The following MALRD1 variants were observed in gnomAD, a reference collection of about 807,000 sequenced individuals.
MALRD1 encodes the protein MAM and LDL-receptor class A domain-containing protein 1.
In MALRD1, 247 loss-of-function variants were observed where a neutral mutation model predicts 242.1. The observed-to-expected ratio is 1.02, with a 90% CI of 0.92 to 1.13. The LOEUF (loss-of-function observed/expected upper bound fraction) is 1.13, where lower values mean the gene tolerates loss of function less well. Ranked by LOEUF, MALRD1 falls within the 50% of genes most tolerant of loss-of-function variation. MALRD1 has a pLI of 0.00. For missense variants in MALRD1, 2,989 were observed against 2,533.1 expected, an observed-to-expected ratio of 1.18 and a Z score of -3.86; for synonymous variants, 995 against 866.6, an observed-to-expected ratio of 1.15 and a Z score of -2.60.
chr10:19,339,389 C>T (rs925115246), intron 24 of MALRD1, among the ~76,000 whole-genome samples: 1 of 152,108 alleles, frequency 6.6e-6, no homozygotes, highest in Non-Finnish European at 1.5e-5. Flanking sequence ...AGCCAATTCA[C>T]GTTTTCAACA....
chr10:19,244,816 A>G (rs1484687802), intron 18 of MALRD1, among the ~76,000 whole-genome samples: 1 of 152,168 alleles, frequency 6.6e-6, no homozygotes, highest in Non-Finnish European at 1.5e-5. Context: ...ATATAGACTA[A>G]TTCTGTATTT....
intron 19 of MALRD1, among the ~76,000 whole-genome samples, chr10:19,260,234 G>C (rs1839687555): frequency 6.6e-6 from 1 of 152,156 alleles, no homozygotes; most frequent in African/African-American, 2.4e-5. Context: ...TTGCTCTCAA[G>C]CGTGTAGGTT....
chr10:19,619,855 C>T (rs892923242), intron 36 of MALRD1, among the ~76,000 whole-genome samples: 1 of 151,814 alleles, frequency 6.6e-6, no homozygotes, highest in Non-Finnish European at 1.5e-5. Flanking sequence ...AGCATTTCAT[C>T]GAAATAAAGG....
At chr10:19,282,103 CATGTT>C (rs147792836) in intron 20 of MALRD1, among the ~76,000 whole-genome samples, 12,242 of 151,876 alleles carry the variant, frequency 0.081, 576 homozygotes, top group East Asian at 0.17. Flanking sequence ...TCTTGCTTGA[CATGTT>C]ATATTTTCCG....
chr10:19,056,569 T>C (rs1834675197), intron 1 of MALRD1, among the ~76,000 whole-genome samples: 1 of 152,130 alleles, frequency 6.6e-6, no homozygotes, highest in Admixed American at 6.5e-5. Context: ...TTTTTATTAG[T>C]TTTAACAGTT....
chr10:19,578,544 T>C (rs1214772726), intron 33 of MALRD1, among the ~76,000 whole-genome samples: 4 of 151,910 alleles, frequency 2.6e-5, no homozygotes, highest in Non-Finnish European at 4.4e-5. Context: ...ATACAAAAAT[T>C]AGCTAAATGT....
intron 36 of MALRD1, among the ~76,000 whole-genome samples, chr10:19,682,705 C>T (rs555352139): frequency 4.6e-5 from 7 of 152,226 alleles, no homozygotes; most frequent in Admixed American, 6.5e-5. Flanking sequence ...CATTTTGTTG[C>T]GATATAATTC....
At chr10:19,172,600 C>A (rs974614708) in intron 13 of MALRD1, among the ~76,000 whole-genome samples, 1 of 151,056 alleles carries the variant, frequency 6.6e-6, no homozygotes, top group Admixed American at 6.6e-5. Flanking sequence ...CAGGGCCCAC[C>A]CATTCCATTC....
At chr10:19,099,761 A>ATTTTT (rs71767071) in intron 4 of MALRD1, among the ~76,000 whole-genome samples, 3,128 of 104,918 alleles carry the variant, frequency 0.03, 47 homozygotes, top group Middle Eastern at 0.066. Flanking sequence ...ATATATATAT[A>ATTTTT]TATTTTTTTT....
chr10:19,578,162 A>C (rs762694606), intron 33 of MALRD1, among the ~76,000 whole-genome samples: 6 of 151,570 alleles, frequency 4.0e-5, no homozygotes, highest in Non-Finnish European at 8.8e-5. Context: ...TTTCAAATAG[A>C]AAAACAAGAG....
At chr10:19,167,791 A>G (rs1227588737) in intron 13 of MALRD1, among the ~76,000 whole-genome samples, 1 of 152,192 alleles carries the variant, frequency 6.6e-6, no homozygotes, top group Non-Finnish European at 1.5e-5. Flanking sequence ...TCACAGTCAG[A>G]TAAATCTTCC....
At chr10:19,106,959 A>G (rs951620381) in intron 5 of MALRD1, among the ~76,000 whole-genome samples, 12 of 151,818 alleles carry the variant, frequency 7.9e-5, no homozygotes, top group African/African-American at 2.7e-4. Flanking sequence ...TCATTGTTGA[A>G]TTCTAGTTTT....
intron 33 of MALRD1, among the ~76,000 whole-genome samples, chr10:19,588,333 A>G (rs899105496): frequency 5.9e-5 from 9 of 152,220 alleles, no homozygotes; most frequent in African/African-American, 1.7e-4. Flanking sequence ...TTATTCATCA[A>G]TGTCAGAAAT....
intron 21 of MALRD1, among the ~76,000 whole-genome samples, chr10:19,301,562 G>A (rs1244406509): frequency 6.6e-6 from 1 of 151,852 alleles, no homozygotes; most frequent in African/African-American, 2.4e-5. Flanking sequence ...GCCCTTTGCA[G>A]TGACAGGGTT....
chr10:19,171,457 T>TATATATAC (rs1166665866), intron 13 of MALRD1, among the ~76,000 whole-genome samples: 5 of 74,556 alleles, frequency 6.7e-5, no homozygotes, highest in African/African-American at 1.3e-4. Context: ...TATATATATA[T>TATATATAC]ACACACATGT....
chr10:19,292,569 G>A (rs915077843), intron 21 of MALRD1, among the ~76,000 whole-genome samples: 11 of 152,076 alleles, frequency 7.2e-5, no homozygotes, highest in African/African-American at 2.7e-4. Flanking sequence ...CATTTGTGCA[G>A]ATTTGACATC....
At chr10:19,559,722 T>A (rs1835882167) in intron 32 of MALRD1, among the ~76,000 whole-genome samples, 2 of 151,894 alleles carry the variant, frequency 1.3e-5, no homozygotes, top group Admixed American at 1.3e-4. Flanking sequence ...TGGGAGAAAA[T>A]TTTTGCAATC....
At chr10:19,220,857 C>G (rs536843307) in intron 18 of MALRD1, among the ~76,000 whole-genome samples, 14 of 152,122 alleles carry the variant, frequency 9.2e-5, no homozygotes, top group Non-Finnish European at 8.8e-5. Context: ...ATTTGGCACC[C>G]AGGAAACAGG....
intron 32 of MALRD1, among the ~76,000 whole-genome samples, chr10:19,538,020 T>C (rs1030497336): frequency 2.6e-5 from 4 of 152,194 alleles, no homozygotes; most frequent in Non-Finnish European, 5.9e-5. Flanking sequence ...TCACTGACAT[T>C]TAAGATAATT....
Sources: allele counts gnomAD v4.1 joint callset (sites outside exome capture counted in the v4.1 genomes callset), GRCh38; gene constraint gnomAD v4.1.1; transcripts MANE v1.5; gene names NCBI Gene and HGNC (gene_info 2026-07-23, HGNC 2026-07-21).